Variants in MICAL1 observed in about 807,000 individuals in gnomAD.
MICAL1 encodes [F-actin]-monooxygenase MICAL1.
A neutral mutation model predicts 131.8 loss-of-function variants in MICAL1; 95 were observed. The ratio of observed to expected loss-of-function variants is 0.72; its 90% CI spans 0.61 to 0.86. The LOEUF (loss-of-function observed/expected upper bound fraction) is 0.86, where lower values mean the gene tolerates loss of function less well. MICAL1 is among the 40% of genes least tolerant of loss of function. MICAL1 has a pLI of 0.00. For missense variants in MICAL1, 1,292 were observed against 1,380.6 expected (o/e 0.94, Z 1.02); for synonymous variants, 546 against 554.2 (o/e 0.99, Z 0.21).
chr6:109,446,106 T>G, intron 19 of MICAL1, 30 bp downstream of exon 19: 22 of 910,264 alleles, frequency 2.4e-5, no homozygotes, highest in Non-Finnish European at 3.0e-5. Context: ...TGTCCCACCC[T>G]GGGTCAGCAC....
intron 6 of MICAL1, 41 bp from the exon 7 acceptor site, chr6:109,451,741 T>A (rs1281865834): frequency 1.2e-6 from 2 of 1,609,690 alleles, no homozygotes; most frequent in Admixed American, 3.3e-5. Flanking sequence ...TGTCTCCTGA[T>A]AATGCATCAC....
intron 15 of MICAL1, 71 bp from the exon 16 acceptor site, chr6:109,447,511 A>T: frequency 6.5e-7 from 1 of 1,544,230 alleles, no homozygotes; most frequent in African/African-American, 1.4e-5. Flanking sequence ...CGTACAGATG[A>T]ACACAAGGGG....
chr6:109,445,679 A>C, intron 20 of MICAL1, 92 bp downstream of exon 20: 2 of 1,521,252 alleles, frequency 1.3e-6, no homozygotes, highest in Non-Finnish European at 1.8e-6. Context: ...CCAAGTGAGA[A>C]GACATTCCAA....
intron 19 of MICAL1, 51 bp from the exon 20 acceptor site, chr6:109,445,913 A>AG (rs1406229528): frequency 1.2e-5 from 19 of 1,565,656 alleles, no homozygotes; most frequent in Non-Finnish European, 1.6e-5. Context: ...TGCCCCAGTC[A>AG]GGCAACAAAG....
rs758234764 is a variant in MICAL1 at position 109,447,105 on chromosome 6, C to G, written c.2195G>C (p.Trp732Ser). Residue 732 changes from tryptophan (W) to serine (S), a missense_variant, in exon 17 of 25, where the codon TGG becomes TCG. Physicochemically the swap from Trp to Ser is radical, Grantham distance 177. Coordinates refer to ENST00000358807, the MANE Select transcript of MICAL1 (RefSeq NM_022765.4). ...TGGGTGCTGCTCGTAGCCACCTGGC[C>G]ACAGTGTGGCCTCACAGGTATGGCA... ...FRCHTCEATL[W>S]PGGYEQHPGD... The G allele has an allele frequency of 1.2e-6, 2 of 1,614,118 alleles. No homozygotes were observed. The highest frequency in any genetic ancestry group is 1.7e-6 in the Non-Finnish European group (2 of 1,180,006).
In MICAL1 at chr6:109,453,690, G is replaced by A. The variant is rs767102111; in HGVS notation, c.414C>T (p.Leu138=). ...AGCGCCCGTAGAACTTCTTAGCACC[G>A]AGTGCCCGCAGGTCGTGGATGGTGA... ...WPFTIHDLRA[L]GAKKFYGRFC... is the part of the protein sequence containing the mutation. Residue 138 remains leucine, a synonymous_variant, in exon 3 of 25, where the codon CTC becomes CTT. Transcript: ENST00000358807. The A allele has an allele frequency of 7.5e-5, 121 of 1,613,752 alleles. No individual in the cohort carries two copies. The highest frequency in any genetic ancestry group is 9.6e-5 in the Non-Finnish European group (113 of 1,179,962).
intron 14 of MICAL1, 40 bp downstream of exon 14, chr6:109,447,835 C>T (rs759714471): frequency 1.2e-6 from 2 of 1,612,390 alleles, no homozygotes; most frequent in South Asian, 1.1e-5. Flanking sequence ...CCCCTGCCCA[C>T]TCCTCCCTGC....
At position 109,447,483 on chromosome 6, in the gene MICAL1, G is replaced by A. The variant is rs1303187776; in HGVS notation, c.1987-43C>T. 9 of 1,585,396 alleles carry A rather than the reference G, an allele frequency of 5.7e-6. No individual in the cohort carries two copies. The South Asian group carries it at 1.0e-4, about 18-fold the overall frequency. On this transcript the variant is annotated intron_variant, in intron 15 of 24. Coordinates refer to ENST00000358807, the MANE Select transcript of MICAL1 (RefSeq NM_022765.4). ...CAGGCAGGGAGGGTAGAGGGGCAGG[G>A]CCAGCTGGGAGGGGATGCGTACAGA... is the stretch of plus-strand genomic sequence containing the variant.
At chr6:109,455,879 T>G, upstream of MICAL1, 1 of 985,200 alleles carries the variant, frequency 1.0e-6, no homozygotes, top group South Asian at 4.7e-5. The surrounding 1 kb of genome is among the most constrained non-coding windows in gnomAD (Gnocchi z 4.7). Flanking sequence ...TCGCGCGGAG[T>G]GTGGGCTTCC....
At chr6:109,448,007 T>C in intron 13 of MICAL1, 44 bp from the exon 14 acceptor site, 1 of 1,545,516 alleles carries the variant, frequency 6.5e-7, no homozygotes, top group Non-Finnish European at 8.8e-7. Context: ...GGGGTGCCAA[T>C]ACTGTACTCT....
intron 1 of MICAL1, among the ~76,000 whole-genome samples, chr6:109,460,806 C>G (rs1201353427): frequency 6.6e-6 from 1 of 152,020 alleles, no homozygotes; most frequent in Admixed American, 6.6e-5. Context: ...TACCTTAATG[C>G]TTATTAAGGA....
At chr6:109,454,510 C>T (rs1240932232) in intron 1 of MICAL1, among the ~76,000 whole-genome samples, 1 of 152,182 alleles carries the variant, frequency 6.6e-6, no homozygotes, top group Non-Finnish European at 1.5e-5. Context: ...TCCAGTTCAG[C>T]CTCCCTGTCC....
In MICAL1 at chr6:109,448,792, G is replaced by C. The variant is rs751454029; in HGVS notation, c.1604C>G (p.Ser535Cys). The change falls in exon 12 of 25, where the codon TCC becomes TGC. Residue 535 changes from serine to cysteine, a missense_variant. Transcript: ENST00000358807. ...YPGVHVSDLS[S>C]SWADGLALCA... ...CAGAGCTAGCCCATCAGCCCAGGAGGAAGACAAATCGGAGACGTGGACTCC... is the reference window on the plus strand; with the variant it reads ...CAGAGCTAGCCCATCAGCCCAGGAGCAAGACAAATCGGAGACGTGGACTCC... 8.1e-6 allele frequency: 13 copies of C among 1,613,996 alleles called. No individual in the cohort carries two copies. In the South Asian group the frequency reaches 1.3e-4, roughly 16 times the overall value.
At position 109,447,171 on chromosome 6, in the gene MICAL1, A is replaced by C. The variant is rs754810367; in HGVS notation, c.2129T>G (p.Leu710Arg). 6.2e-7 allele frequency: 1 copy of C among 1,614,166 alleles called. No homozygotes were observed. The highest frequency in any genetic ancestry group is 1.1e-5 in the South Asian group (1 of 91,082). ...GTGGAAGAAATGGCCGTTGACACAG[A>C]GGCGTTCCAGGACATAGAGGTGTTC... ...CGEHLYVLERLCVNGHFFHRS... is the reference protein window; with the variant it reads ...CGEHLYVLERRCVNGHFFHRS... Residue 710 changes from leucine (L) to arginine (R), a missense_variant, in exon 17 of 25, where the codon CTC becomes CGC. Transcript: ENST00000358807.
At chr6:109,448,678 T>C in intron 12 of MICAL1, 54 bp downstream of exon 12, 2 of 1,602,558 alleles carry the variant, frequency 1.2e-6, no homozygotes, top group East Asian at 4.5e-5. Context: ...CAACTGGATA[T>C]GCTAACTCCT....
In MICAL1 at chr6:109,450,071, CA is replaced by C. The variant is rs1775473085; in HGVS notation, c.1205del (p.Leu402ArgfsTer19). ...GDCLVEPFWP[L>X]GTGVARGFLA... ...GGAAGCCCCGTGCCACTCCAGTGCCCAGGGGCCAGAAGGGCTGCAGTGTCAG... is the reference window on the plus strand; with the variant it reads ...GGAAGCCCCGTGCCACTCCAGTGCCCGGGGCCAGAAGGGCTGCAGTGTCAG... On this transcript the variant is annotated frameshift_variant, in exon 9 of 25. Coordinates refer to ENST00000358807, the MANE Select transcript of MICAL1 (RefSeq NM_022765.4). LOFTEE classifies it high-confidence loss of function. The C allele has an allele frequency of 6.2e-7, 1 of 1,613,786 alleles. No homozygotes were observed. The highest frequency in any genetic ancestry group is 1.1e-5 in the South Asian group (1 of 91,044).
chr6:109,449,848 A>C (rs1775458515), intron 9 of MICAL1, 65 bp from the exon 10 acceptor site: 1 of 1,583,598 alleles, frequency 6.3e-7, no homozygotes, highest in African/African-American at 1.3e-5. Context: ...CCCACCTCTC[A>C]GGAACTGCCA....
chr6:109,453,301 C>T lies in MICAL1; in HGVS notation c.533G>A (p.Gly178Asp), dbSNP rs745840649. 4.3e-6 allele frequency: 7 copies of T among 1,614,070 alleles called. 1 individual carries two copies. Among genetic ancestry groups the T allele is most frequent in the Middle Eastern group, 1.6e-4 (1 of 6,062 alleles). Residue 178 changes from glycine to aspartate, a missense_variant, in exon 4 of 25, where the codon GGT (glycine) becomes GAT (aspartate). Transcript: ENST00000358807. ...ALLLGVEIHW[G>D]VTFTGLQPPP... ...GGGCTGGAGGCCAGTGAAAGTGACACCCCAGTGAATTTCCACCCCCAGCAG... is the reference window on the plus strand; with the variant it reads ...GGGCTGGAGGCCAGTGAAAGTGACATCCCAGTGAATTTCCACCCCCAGCAG...
At chr6:109,448,668 C>T in intron 12 of MICAL1, 64 bp downstream of exon 12, 1 of 1,592,902 alleles carries the variant, frequency 6.3e-7, no homozygotes, top group Admixed American at 1.7e-5. Context: ...CTCTAGGATT[C>T]AACTGGATAT....
Sources: gnomAD v4.1 joint callset for allele counts (sites outside exome capture counted in the v4.1 genomes callset) on GRCh38, gnomAD v4.1.1 for gene constraint, Gnocchi (gnomAD v3.1) non-coding constraint, MANE v1.5 for transcripts, NCBI Gene and HGNC (gene_info 2026-07-23, HGNC 2026-07-21) for gene names.